Variants in NXPE4 observed in about 807,000 individuals in gnomAD.
NXPE4 encodes the protein NXPE family member 4.
In NXPE4, 42 loss-of-function variants were observed where a neutral mutation model predicts 33.3. The ratio of observed to expected loss-of-function variants is 1.26; its 90% CI spans 0.98 to 1.63. The LOEUF (loss-of-function observed/expected upper bound fraction) is 1.63. NXPE4 is among the 40% of genes most tolerant of loss of function. The pLI is 0.00. For synonymous variants in NXPE4, 253 were observed against 234.9 expected, an observed-to-expected ratio of 1.08 and a Z score of -0.71; for missense variants, 709 against 647.6, an observed-to-expected ratio of 1.09 and a Z score of -1.03.
chr11:114,673,704 C>G, the NXPE4 span, among the ~76,000 whole-genome samples: 157 of 151,792 alleles, frequency 1.0e-3, no homozygotes, highest in African/African-American at 3.7e-3. Context: ...GAAAGTTAAA[C>G]TTGGGAATTG....
chr11:114,644,724 A>C, the NXPE4 span, among the ~76,000 whole-genome samples: 2 of 152,102 alleles, frequency 1.3e-5, no homozygotes, highest in African/African-American at 4.8e-5. Flanking sequence ...AATCTCTATA[A>C]GCTGATTCTA....
chr11:114,630,876 C>G, the NXPE4 span, among the ~76,000 whole-genome samples: 4 of 151,942 alleles, frequency 2.6e-5, no homozygotes, highest in African/African-American at 9.7e-5. Context: ...CATGAACAGA[C>G]ACTTCTTAAA....
the NXPE4 span, among the ~76,000 whole-genome samples, chr11:114,652,566 C>CTTA: frequency 6.6e-6 from 1 of 152,162 alleles, no homozygotes; most frequent in Non-Finnish European, 1.5e-5. Context: ...ATGTAAAATG[C>CTTA]TTAACACAGT....
the NXPE4 span, among the ~76,000 whole-genome samples, chr11:114,652,896 T>C: frequency 6.6e-6 from 1 of 152,236 alleles, no homozygotes; most frequent in Non-Finnish European, 1.5e-5. Flanking sequence ...AATCACTTTT[T>C]CAAGTGAAGC....
chr11:114,663,610 T>TATC, the NXPE4 span, among the ~76,000 whole-genome samples: 2 of 98,244 alleles, frequency 2.0e-5, no homozygotes, highest in East Asian at 3.7e-4. Flanking sequence ...TCTATCTATC[T>TATC]ATCTATCTAT....
chr11:114,633,348 T>G, the NXPE4 span, among the ~76,000 whole-genome samples: 1 of 142,876 alleles, frequency 7.0e-6, no homozygotes, highest in Non-Finnish European at 1.5e-5. Flanking sequence ...TATTATATGA[T>G]TATATTATAT....
At chr11:114,663,030 G>A in the NXPE4 span, among the ~76,000 whole-genome samples, 2 of 152,080 alleles carry the variant, frequency 1.3e-5, no homozygotes, top group South Asian at 2.1e-4. Flanking sequence ...TCTCTTATAC[G>A]GCATTTCTGG....
At chr11:114,634,527 A>C in the NXPE4 span, among the ~76,000 whole-genome samples, 2 of 152,000 alleles carry the variant, frequency 1.3e-5, no homozygotes, top group African/African-American at 4.8e-5. Flanking sequence ...TTTAGACATG[A>C]AGTCCTTGCC....
At chr11:114,643,203 G>C in the NXPE4 span, among the ~76,000 whole-genome samples, 1 of 151,986 alleles carries the variant, frequency 6.6e-6, no homozygotes, top group East Asian at 1.9e-4. Context: ...CCATTCTGTA[G>C]GTTTCCTGTT....
At chr11:114,630,504 C>T in the NXPE4 span, among the ~76,000 whole-genome samples, 1 of 151,514 alleles carries the variant, frequency 6.6e-6, no homozygotes, top group African/African-American at 2.4e-5. Flanking sequence ...CTTCCTTACA[C>T]CTTATACAAA....
intron 2 of NXPE4, among the ~76,000 whole-genome samples, chr11:114,591,095 A>T (rs1591353454): frequency 1.3e-5 from 2 of 152,318 alleles, no homozygotes; most frequent in African/African-American, 4.8e-5. Flanking sequence ...ATCTTCACAG[A>T]TGGCAGTTCT....
At chr11:114,650,352 G>T in the NXPE4 span, among the ~76,000 whole-genome samples, 1 of 152,172 alleles carries the variant, frequency 6.6e-6, no homozygotes, top group East Asian at 1.9e-4. Flanking sequence ...CAGAAAAGAG[G>T]ATGTCACAAT....
At chr11:114,608,392 TG>T in the NXPE4 span, among the ~76,000 whole-genome samples, 1 of 151,890 alleles carries the variant, frequency 6.6e-6, no homozygotes, top group Non-Finnish European at 1.5e-5. Context: ...TGTTGCCTCA[TG>T]GGTAACCACT....
chr11:114,644,374 T>A, the NXPE4 span, among the ~76,000 whole-genome samples: 10 of 152,182 alleles, frequency 6.6e-5, no homozygotes, highest in African/African-American at 2.4e-4. Flanking sequence ...CCATTCAGTA[T>A]GATATTGGCT....
At chr11:114,626,093 T>A in the NXPE4 span, among the ~76,000 whole-genome samples, 2 of 152,038 alleles carry the variant, frequency 1.3e-5, no homozygotes, top group Non-Finnish European at 2.9e-5. Context: ...GCAGCGAGGC[T>A]GGGAGAGGGG....
chr11:114,642,606 T>C, the NXPE4 span, among the ~76,000 whole-genome samples: 1 of 152,120 alleles, frequency 6.6e-6, no homozygotes, highest in Non-Finnish European at 1.5e-5. Context: ...ATCCTTTTGA[T>C]GGCTGCATGG....
intron 2 of NXPE4, among the ~76,000 whole-genome samples, chr11:114,594,065 A>G (rs555339287): frequency 8.5e-5 from 13 of 152,212 alleles, no homozygotes; most frequent in African/African-American, 2.9e-4. Flanking sequence ...GGGTTAGTTA[A>G]TGAGTACAAA....
chr11:114,638,914 G>GGTCAGGT, the NXPE4 span, among the ~76,000 whole-genome samples: 1 of 151,928 alleles, frequency 6.6e-6, no homozygotes, highest in Non-Finnish European at 1.5e-5. Flanking sequence ...GGGGGTCAGG[G>GGTCAGGT]GTCAGGGACC....
intron 2 of NXPE4, chr11:114,584,223 G>T: frequency 2.5e-6 from 1 of 404,252 alleles, no homozygotes. Flanking sequence ...TGGATATGGA[G>T]ATCCCTAATG....
Sources: gnomAD v4.1 joint callset for allele counts (sites outside exome capture counted in the v4.1 genomes callset) on GRCh38, gnomAD v4.1.1 for gene constraint, MANE v1.5 for transcripts, NCBI Gene and HGNC (gene_info 2026-07-23, HGNC 2026-07-21) for gene names.